Variants in ANKRD36 observed in about 807,000 individuals in gnomAD.
ANKRD36 encodes ankyrin repeat domain-containing protein 36A.
Under a neutral mutation model 278.1 loss-of-function variants are expected in ANKRD36, and 179 were observed. That is an observed-to-expected ratio of 0.64 (90% CI 0.57 to 0.73). The LOEUF (loss-of-function observed/expected upper bound fraction) is 0.73. Ranked by LOEUF, ANKRD36 falls within the 30% of genes least tolerant of loss-of-function variation. ANKRD36 has a pLI of 0.00. For synonymous variants in ANKRD36, 320 were observed against 641.1 expected, an observed-to-expected ratio of 0.50 and a Z score of 7.57; for missense variants, 1,159 against 1,956.7, an observed-to-expected ratio of 0.59 and a Z score of 7.69.
At chr2:97,157,235 C>CT (rs2047704066) in intron 15 of ANKRD36, among the ~76,000 whole-genome samples, 1 of 148,042 alleles carries the variant, frequency 6.8e-6, no homozygotes, top group Admixed American at 6.8e-5. Context: ...ACAAATTAAA[C>CT]TTTTTATTAC....
At chr2:97,127,993 T>G (rs2039063618) in intron 6 of ANKRD36, among the ~76,000 whole-genome samples, 1 of 151,970 alleles carries the variant, frequency 6.6e-6, no homozygotes, top group Non-Finnish European at 1.5e-5. Context: ...TTAATATGAT[T>G]TAGTGAACAT....
rs918445870 is a variant in ANKRD36, at chr2:97,210,239, C to T, written c.3367+367C>T. On this transcript the variant is annotated intron_variant, in intron 56 of 75. Coordinates refer to ENST00000420699, the MANE Select transcript of ANKRD36 (RefSeq NM_001354587.1). Reference sequence around the variant, plus strand: ...AGACGTCACATCGTACTGCTAAAAACAGACAGATAACTTGTTGTAATAACC... The same window carrying T: ...AGACGTCACATCGTACTGCTAAAAATAGACAGATAACTTGTTGTAATAACC... 7.2e-5 allele frequency among the ~76,000 whole-genome samples: 11 copies of T among 151,970 alleles called. 1 individual carries two copies. The highest frequency in any genetic ancestry group is 4.2e-4 in the South Asian group (2 of 4,788).
chr2:97,228,955 G>C lies in ANKRD36; in HGVS notation c.3951+4076G>C, dbSNP rs554196360. Among the ~76,000 whole-genome samples the C allele has an allele frequency of 1.4e-4, 22 of 152,208 alleles. No homozygotes were observed. The South Asian group carries it at 4.6e-3, about 32-fold the overall frequency. On this transcript the variant is annotated intron_variant, in intron 67 of 75. Coordinates refer to ENST00000420699, the MANE Select transcript of ANKRD36 (RefSeq NM_001354587.1). ...CATGTAGTTGAGCGGTTTTGAGTGA[G>C]TTTCTTAATCCTGAGTTCTAGTTTG...
At chr2:97,174,641 G>A (rs1373426254) in intron 22 of ANKRD36, among the ~76,000 whole-genome samples, 1 of 151,516 alleles carries the variant, frequency 6.6e-6, no homozygotes, top group African/African-American at 2.4e-5. Flanking sequence ...TAATTGCCCT[G>A]GCCAGAACTT....
At chr2:97,126,458 A>G (rs1385178914) in intron 5 of ANKRD36, among the ~76,000 whole-genome samples, 6 of 152,110 alleles carry the variant, frequency 3.9e-5, no homozygotes, top group Middle Eastern at 6.8e-3. Flanking sequence ...TTTATGAATT[A>G]TGAAATAGTT....
intron 46 of ANKRD36, among the ~76,000 whole-genome samples, chr2:97,200,858 T>A (rs1371914387): frequency 2.0e-5 from 3 of 151,898 alleles, no homozygotes; most frequent in Admixed American, 2.0e-4. Flanking sequence ...GAAGTACAGA[T>A]TTTACAGACG....
chr2:97,121,309 CA>C (rs1484382784), intron 3 of ANKRD36, among the ~76,000 whole-genome samples: 1 of 152,002 alleles, frequency 6.6e-6, no homozygotes, highest in Non-Finnish European at 1.5e-5. Flanking sequence ...ATATTGCAGA[CA>C]ACATTATATT....
rs1293516657 is a variant in ANKRD36 at position 97,244,079 on chromosome 2, C to T, written c.4491+50C>T. On this transcript the variant is annotated intron_variant, in intron 70 of 75. Coordinates refer to ENST00000420699, the MANE Select transcript of ANKRD36 (RefSeq NM_001354587.1). ...CATATTTCTACTCTTATTAATATTA[C>T]TTATACCATCTCTTTCATTTAACGT... 3 of 1,541,778 alleles carry T rather than the reference C, an allele frequency of 1.9e-6. 1 individual carries two copies. Among genetic ancestry groups the T allele is most frequent in the East Asian group, 4.9e-5 (2 of 40,972 alleles).
At chr2:97,136,346 C>G (rs1162440168) in intron 6 of ANKRD36, among the ~76,000 whole-genome samples, 1 of 151,534 alleles carries the variant, frequency 6.6e-6, no homozygotes, top group African/African-American at 2.4e-5. Flanking sequence ...CTATGCATCT[C>G]TTTATCTGTA....
intron 1 of ANKRD36, among the ~76,000 whole-genome samples, chr2:97,114,290 G>T (rs1330506646): frequency 2.4e-5 from 3 of 123,952 alleles, no homozygotes; most frequent in Non-Finnish European, 5.1e-5. Context: ...GGAGGTGGGG[G>T]TGAGGGGTGG....
At chr2:97,231,907 A>T (rs1331599118) in intron 67 of ANKRD36, among the ~76,000 whole-genome samples, 1 of 152,100 alleles carries the variant, frequency 6.6e-6, no homozygotes, top group East Asian at 2.0e-4. Context: ...TCATATAGTG[A>T]TAAAATCTTT....
In ANKRD36 at chr2:97,171,042, C is replaced by T. The variant is rs1295302554; in HGVS notation, c.1633+3275C>T. Among the ~76,000 whole-genome samples, 4 of 150,918 alleles carry T rather than the reference C, an allele frequency of 2.7e-5. No individual in the cohort carries two copies. In the Admixed American group the frequency reaches 2.7e-4, roughly 10 times the overall value. On this transcript the variant is annotated intron_variant, in intron 22 of 75. Coordinates refer to ENST00000420699, the MANE Select transcript of ANKRD36 (RefSeq NM_001354587.1). ...GTTAGAATGGCAGTCATTAAAAAGT[C>T]AGGAAACAACAGGTGCTGGAGAGGA...
intron 66 of ANKRD36, among the ~76,000 whole-genome samples, chr2:97,224,442 T>C (rs1240961997): frequency 2.1e-5 from 3 of 144,590 alleles, no homozygotes; most frequent in Non-Finnish European, 4.5e-5. Context: ...TTTTGTTTTT[T>C]TGTTTTTTTG....
chr2:97,173,572 A>G (rs543612092), intron 22 of ANKRD36, among the ~76,000 whole-genome samples: 2 of 151,988 alleles, frequency 1.3e-5, no homozygotes, highest in African/African-American at 4.8e-5. Flanking sequence ...CAGATGTCAC[A>G]TACAGTGGTG....
In ANKRD36 at chr2:97,205,949, A is replaced by C. The variant is rs1184381533; in HGVS notation, c.3071A>C (p.Gln1024Pro). 1.9e-6 allele frequency: 3 copies of C among 1,555,792 alleles called. No homozygotes were observed. Among genetic ancestry groups the C allele is most frequent in the African/African-American group, 1.4e-5 (1 of 73,628 alleles). The change falls in exon 51 of 76, where the codon CAG becomes CCG. Residue 1024 changes from glutamine (Q) to proline (P), a missense_variant. Physicochemically the swap from Gln to Pro is moderately conservative, Grantham distance 76. Coordinates refer to ENST00000420699, the MANE Select transcript of ANKRD36 (RefSeq NM_001354587.1). ...CACTTTTGCTTTTCAGTGTCTTCTC[A>C]GAAACCACCAACCTTGAAGGTAATG... ...DGEKTRTVSS[Q>P]KPPTLKATSD...
intron 6 of ANKRD36, among the ~76,000 whole-genome samples, chr2:97,134,770 A>T (rs1008818807): frequency 2.0e-5 from 3 of 151,928 alleles, no homozygotes; most frequent in African/African-American, 7.2e-5. Context: ...CTTTATATAT[A>T]TTTTATATAT....
At chr2:97,173,453 G>A (rs1339609021) in intron 22 of ANKRD36, among the ~76,000 whole-genome samples, 1 of 151,792 alleles carries the variant, frequency 6.6e-6, no homozygotes, top group Non-Finnish European at 1.5e-5. Flanking sequence ...GGAGGCCATG[G>A]GGCTGCTTTT....
At chr2:97,196,291 T>C (rs1370377802) in intron 40 of ANKRD36, among the ~76,000 whole-genome samples, 1 of 151,780 alleles carries the variant, frequency 6.6e-6, no homozygotes, top group Non-Finnish European at 1.5e-5. Flanking sequence ...CCTCTGATTT[T>C]AGATCACATT....
intron 22 of ANKRD36, among the ~76,000 whole-genome samples, chr2:97,178,841 C>G (rs977071578): frequency 2.0e-5 from 3 of 151,326 alleles, no homozygotes; most frequent in Non-Finnish European, 4.4e-5. Flanking sequence ...AAAAAAGCAA[C>G]TTAATAAAAA....
Sources: gnomAD v4.1 joint callset for allele counts (sites outside exome capture counted in the v4.1 genomes callset) on GRCh38, gnomAD v4.1.1 for gene constraint, MANE v1.5 for transcripts, NCBI Gene and HGNC (gene_info 2026-07-23, HGNC 2026-07-21) for gene names.